Variants in OSMR observed in about 807,000 individuals in gnomAD.
OSMR encodes the protein oncostatin M receptor, also known as oncostatin-M-specific receptor subunit beta.
Under a neutral mutation model 99.9 loss-of-function variants are expected in OSMR, and 81 were observed. The observed-to-expected ratio is 0.81, with a 90% confidence interval of 0.68 to 0.97. The LOEUF is 0.97. Ranked by LOEUF, OSMR falls within the 50% of genes least tolerant of loss-of-function variation. The probability of loss-of-function intolerance (pLI) is 0.00; values close to 1 mark genes in which losing one functional copy is unlikely to be tolerated. For synonymous variants in OSMR, 406 were observed against 410.4 expected (o/e 0.99, Z 0.13); for missense variants, 1,099 against 1,153.4 (o/e 0.95, Z 0.68).
chr5:38,944,038 T>C (rs1747900510), intron 1 of OSMR, among the ~76,000 whole-genome samples: 1 of 152,198 alleles, frequency 6.6e-6, no homozygotes, highest in East Asian at 1.9e-4. Context: ...ACAGCCACCA[T>C]TAACTACTAT....
intron 7 of OSMR, among the ~76,000 whole-genome samples, chr5:38,896,191 T>C (rs1025782658): frequency 6.6e-6 from 1 of 152,038 alleles, no homozygotes; most frequent in Non-Finnish European, 1.5e-5. Context: ...AAGGAATGTC[T>C]TTGGTATTTT....
chr5:38,919,069 T>G lies in OSMR; in HGVS notation c.1585+7T>G. On this transcript the variant is annotated splice_region_variant and intron_variant, in intron 11 of 17. Transcript: ENST00000274276. ...TCTGCAGACCCCGAAAACAGTGAGT[T>G]TGTTTTCATTTTCTTTTGTTTTTAT... is the stretch of plus-strand genomic sequence containing the variant. 9 of 1,613,636 alleles carry G rather than the reference T, an allele frequency of 5.6e-6. No individual in the cohort carries two copies. The highest frequency in any genetic ancestry group is 7.6e-6 in the Non-Finnish European group (9 of 1,179,592).
chr5:38,902,715 A>G (rs535178382), intron 7 of OSMR, among the ~76,000 whole-genome samples: 2 of 152,278 alleles, frequency 1.3e-5, no homozygotes, highest in Admixed American at 6.5e-5. Context: ...GCTTATGTCT[A>G]TGTGTGTCCT....
At chr5:38,864,585 T>C (rs529875177) in intron 1 of OSMR, among the ~76,000 whole-genome samples, 1 of 151,782 alleles carries the variant, frequency 6.6e-6, no homozygotes, top group South Asian at 2.1e-4. Flanking sequence ...CAGCCCCTTA[T>C]CTCCTGGCCT....
chr5:38,862,422 A>AC (rs1170551650), intron 1 of OSMR, among the ~76,000 whole-genome samples: 1 of 112,706 alleles, frequency 8.9e-6, no homozygotes, highest in African/African-American at 3.5e-5. Context: ...GCGGGGGCTG[A>AC]CCCCCCCACC....
intron 1 of OSMR, among the ~76,000 whole-genome samples, chr5:38,861,377 C>T (rs551701036): frequency 4.6e-5 from 7 of 152,134 alleles, no homozygotes; most frequent in Non-Finnish European, 1.0e-4. Context: ...TCTTGCACCG[C>T]CCTTAATCCA....
chr5:38,898,964 T>TC (rs1744709253), intron 7 of OSMR, among the ~76,000 whole-genome samples: 1 of 137,680 alleles, frequency 7.3e-6, no homozygotes, highest in Non-Finnish European at 1.6e-5. Context: ...TTTTTTTTTT[T>TC]TTTTTTTTTT....
chr5:38,905,717 C>G (rs1030526933), intron 9 of OSMR, among the ~76,000 whole-genome samples: 1 of 152,160 alleles, frequency 6.6e-6, no homozygotes, highest in African/African-American at 2.4e-5. Context: ...CAGAGCTCCA[C>G]CCTTAATCAG....
At chr5:38,924,381 C>T (rs753042230) in intron 13 of OSMR, 41 bp from the exon 14 acceptor site, 1 of 1,613,320 alleles carries the variant, frequency 6.2e-7, no homozygotes, top group African/African-American at 1.3e-5. Context: ...GAGACTGTTT[C>T]CAAATCATGA....
chr5:38,860,978 T>C (rs1741240665), intron 1 of OSMR, among the ~76,000 whole-genome samples: 1 of 152,190 alleles, frequency 6.6e-6, no homozygotes, highest in South Asian at 2.1e-4. Context: ...TTTATGTCCT[T>C]GACTAATTCA....
chr5:38,894,420 A>C (rs751416637), intron 7 of OSMR, among the ~76,000 whole-genome samples: 15 of 152,138 alleles, frequency 9.9e-5, no homozygotes, highest in Non-Finnish European at 1.5e-4. Context: ...AAGAAAAAAC[A>C]AGACCAATCT....
intron 11 of OSMR, 198 bp downstream of exon 11, chr5:38,919,260 T>A: frequency 6.6e-7 from 1 of 1,515,274 alleles, no homozygotes; most frequent in Non-Finnish European, 8.8e-7. Context: ...AGAAGGAGAC[T>A]TCAGCCATGG....
intron 9 of OSMR, among the ~76,000 whole-genome samples, chr5:38,904,882 A>G (rs1229702526): frequency 6.6e-6 from 1 of 152,194 alleles, no homozygotes; most frequent in Non-Finnish European, 1.5e-5. Flanking sequence ...ACTTGAGGCC[A>G]TGTTTGGAAA....
Position 38,924,510 on chromosome 5 carries a change from A to T in OSMR, c.1959A>T (p.Gln653His), listed in dbSNP as rs540218832. The T allele has an allele frequency of 3.7e-6, 6 of 1,614,018 alleles. No homozygotes were observed. Among genetic ancestry groups the T allele is most frequent in the Non-Finnish European group, 5.1e-6 (6 of 1,179,988 alleles). ...GGAAAGATTACTCTACTGAATCTCA[A>T]CCTGGTTTTATACAAGGGTACCATG... The part of the protein sequence containing the change: ...LSWKDYSTES[Q>H]PGFIQGYHVY... The change falls in exon 14 of 18, where the codon CAA (glutamine) becomes CAT (histidine). Residue 653 changes from glutamine (Q) to histidine (H), a missense_variant. Coordinates refer to ENST00000274276, the MANE Select transcript of OSMR (RefSeq NM_003999.3).
chr5:38,884,118 G>A lies in OSMR; in HGVS notation c.703+7G>A, dbSNP rs1432713896. 2.5e-6 allele frequency: 4 copies of A among 1,603,456 alleles called. No homozygotes were observed. Among genetic ancestry groups the A allele is most frequent in the Non-Finnish European group, 3.4e-6 (4 of 1,170,352 alleles). On this transcript the variant is annotated splice_region_variant and intron_variant, in intron 5 of 17. Coordinates refer to ENST00000274276, the MANE Select transcript of OSMR (RefSeq NM_003999.3). ...ATCGTTCTTTTTGTCTCAAGTAAGT[G>A]TGCAAATTCTCTGTGGCCCTTTCTT...
chr5:38,932,677 T>C lies in OSMR; in HGVS notation c.2367+142T>C. 22 of 1,533,980 alleles carry C rather than the reference T, an allele frequency of 1.4e-5. 1 individual carries two copies. The South Asian group carries it at 2.6e-4, about 18-fold the overall frequency. Reference sequence around the variant, plus strand: ...CATCTTTGCACCCACAGCCATGAAATAGGTGATTGGAGCTTTGATTTCTTC... The same window carrying C: ...CATCTTTGCACCCACAGCCATGAAACAGGTGATTGGAGCTTTGATTTCTTC... On this transcript the variant is annotated intron_variant, in intron 17 of 17. Coordinates refer to ENST00000274276, the MANE Select transcript of OSMR (RefSeq NM_003999.3).
At position 38,904,336 on chromosome 5, in the gene OSMR, CT is replaced by C; in HGVS notation, c.1135-11del. On this transcript the variant is annotated splice_polypyrimidine_tract_variant and intron_variant, in intron 8 of 17. Transcript: ENST00000274276. ...TCTTTTCTCTTTTTTCTTTTCTTCTCTTTTTTGATCAAGCAGTACAATGTTT... is the reference window on the plus strand; with the variant it reads ...TCTTTTCTCTTTTTTCTTTTCTTCTCTTTTTGATCAAGCAGTACAATGTTT... 6.2e-7 allele frequency: 1 copy of C among 1,612,642 alleles called. No homozygotes were observed. The highest frequency in any genetic ancestry group is 1.1e-5 in the South Asian group (1 of 90,870).
At position 38,847,314 on chromosome 5, in the gene OSMR, A is replaced by T. The variant is rs543634856; in HGVS notation, c.-14+927A>T. On this transcript the variant is annotated intron_variant, in intron 1 of 17. Coordinates refer to ENST00000274276, the MANE Select transcript of OSMR (RefSeq NM_003999.3). ...CCAGCCCCTATTCTAAGCACTTGAC[A>T]TATGCTAGCTCATTTAAGCTTCACG... Among the ~76,000 whole-genome samples, 8 of 152,346 alleles carry T rather than the reference A, an allele frequency of 5.3e-5. No homozygotes were observed. The South Asian group carries it at 6.2e-4, about 12-fold the overall frequency.
intron 1 of OSMR, among the ~76,000 whole-genome samples, chr5:38,862,296 AC>A (rs1237945285): frequency 1.4e-5 from 1 of 72,716 alleles, no homozygotes; most frequent in Admixed American, 1.3e-4. Context: ...CGGGGGGCTG[AC>A]CCCCCCACCT....
Sources: allele counts gnomAD v4.1 joint callset (sites outside exome capture counted in the v4.1 genomes callset), GRCh38; gene constraint gnomAD v4.1.1; transcripts MANE v1.5; gene names NCBI Gene and HGNC (gene_info 2026-07-23, HGNC 2026-07-21).